SRGAP3: variants seen among roughly 807,000 people sequenced by gnomAD.
SRGAP3 encodes SLIT-ROBO Rho GTPase activating protein 3, also known as SLIT-ROBO Rho GTPase-activating protein 3.
Under a neutral mutation model 121.1 loss-of-function variants are expected in SRGAP3, and 39 were observed. The ratio of observed to expected loss-of-function variants is 0.32; its 90% CI spans 0.25 to 0.42. The LOEUF is 0.42. SRGAP3 is among the 10% of genes least tolerant of loss of function. The probability of loss-of-function intolerance (pLI) is 1.00; values close to 1 mark genes in which losing one functional copy is unlikely to be tolerated. For missense variants in SRGAP3, 1,213 were observed against 1,470.6 expected, an observed-to-expected ratio of 0.82 and a Z score of 2.86; for synonymous variants, 601 against 570.0, an observed-to-expected ratio of 1.05 and a Z score of -0.77.
intron 3 of SRGAP3, among the ~76,000 whole-genome samples, chr3:9,091,433 A>G (rs1253849644): frequency 1.3e-5 from 2 of 152,142 alleles, no homozygotes; most frequent in African/African-American, 2.4e-5. Context: ...CTAAATGCCG[A>G]CAGATCCTAC....
chr3:8,990,493 C>T lies in SRGAP3; in HGVS notation c.2886+19G>A. On this transcript the variant is annotated intron_variant, in intron 21 of 21. Coordinates refer to ENST00000383836, the MANE Select transcript of SRGAP3 (RefSeq NM_014850.4). ...CTGGGGCTTTTGGCTGCCCAGCCTGCCTTCCCGCTGGCCCTTACTTCTGCC... is the reference window on the plus strand; with the variant it reads ...CTGGGGCTTTTGGCTGCCCAGCCTGTCTTCCCGCTGGCCCTTACTTCTGCC... 1 of 1,550,370 alleles carries T rather than the reference C, an allele frequency of 6.5e-7. No individual in the cohort carries two copies. Among genetic ancestry groups the T allele is most frequent in the Non-Finnish European group, 8.7e-7 (1 of 1,147,288 alleles).
At chr3:8,992,862 C>G in intron 20 of SRGAP3, 44 bp downstream of exon 20, 1 of 1,613,962 alleles carries the variant, frequency 6.2e-7, no homozygotes, top group South Asian at 1.1e-5. Context: ...CAGACATGAA[C>G]AGGATTGACA....
At chr3:9,071,956 C>T (rs1946743695) in intron 4 of SRGAP3, among the ~76,000 whole-genome samples, 1 of 152,100 alleles carries the variant, frequency 6.6e-6, no homozygotes. Flanking sequence ...TGTGTGAGCC[C>T]CTGGATCCAG....
At chr3:9,317,414 T>G (rs1355986306) in intron 3 of SRGAP3, among the ~76,000 whole-genome samples, 1 of 152,236 alleles carries the variant, frequency 6.6e-6, no homozygotes. Context: ...CCTTCTCATT[T>G]ACTAAAGGGT....
At chr3:9,061,698 G>GGTCATTTTCA (rs1204026596) in intron 5 of SRGAP3, among the ~76,000 whole-genome samples, 1 of 152,202 alleles carries the variant, frequency 6.6e-6, no homozygotes, top group Non-Finnish European at 1.5e-5. Flanking sequence ...CCCTGCACAA[G>GGTCATTTTCA]GTCATTTTCA....
At chr3:9,011,864 G>A (rs567609365) in intron 17 of SRGAP3, among the ~76,000 whole-genome samples, 7 of 152,290 alleles carry the variant, frequency 4.6e-5, no homozygotes, top group Admixed American at 1.3e-4. Flanking sequence ...TTACAGTCTC[G>A]TGGGAAACAA....
Position 9,190,415 on chromosome 3 carries a change from T to C in SRGAP3, c.67+58470A>G, listed in dbSNP as rs375149817. ...TGGCATGAACAGATAGGTTTCGCCA[T>C]GGTCTCGAGTATGACAGGTTGGTCC... On this transcript the variant is annotated intron_variant, in intron 1 of 21. Coordinates refer to ENST00000383836, the MANE Select transcript of SRGAP3 (RefSeq NM_014850.4). Among the ~76,000 whole-genome samples, 9 of 152,304 alleles carry C rather than the reference T, an allele frequency of 5.9e-5. No individual in the cohort carries two copies. The East Asian group carries it at 1.2e-3, about 20-fold the overall frequency.
rs572887065 is a variant in SRGAP3 at position 9,079,608 on chromosome 3, A to C, written c.486+417T>G. On this transcript the variant is annotated intron_variant, in intron 4 of 21. Coordinates refer to ENST00000383836, the MANE Select transcript of SRGAP3 (RefSeq NM_014850.4). ...CAGATGCACAGACTGAGACCCAGAC[A>C]AACTGCCCACCTGCCTATGGTCCTA... 8.5e-5 allele frequency among the ~76,000 whole-genome samples: 13 copies of C among 152,310 alleles called. No individual in the cohort carries two copies. The South Asian group carries it at 2.7e-3, about 32-fold the overall frequency.
At chr3:9,088,853 G>A (rs928231747) in intron 3 of SRGAP3, among the ~76,000 whole-genome samples, 3 of 152,082 alleles carry the variant, frequency 2.0e-5, no homozygotes, top group Admixed American at 6.6e-5. Flanking sequence ...TTTCAAGTAC[G>A]GTGGCCCCTT....
intron 3 of SRGAP3, among the ~76,000 whole-genome samples, chr3:9,100,364 CTT>C (rs1185919102): frequency 6.6e-6 from 1 of 152,192 alleles, no homozygotes; most frequent in Non-Finnish European, 1.5e-5. Flanking sequence ...ATTCTCAACT[CTT>C]TGCCCCACTT....
intron 18 of SRGAP3, among the ~76,000 whole-genome samples, chr3:9,002,311 A>C (rs184836472): frequency 4.6e-5 from 7 of 152,234 alleles, no homozygotes; most frequent in African/African-American, 1.4e-4. Context: ...AAACTGACAA[A>C]TAGGCAAAAA....
chr3:9,362,948 A>C (rs932055515), exon 1 of SRGAP3: 3 of 152,258 alleles, frequency 2.0e-5, no homozygotes, highest in African/African-American at 7.2e-5. Flanking sequence ...CAAAACCAAC[A>C]GCACACAGCT....
At chr3:9,241,032 G>A (rs576640763) in intron 1 of SRGAP3, among the ~76,000 whole-genome samples, 1 of 152,300 alleles carries the variant, frequency 6.6e-6, no homozygotes, top group East Asian at 1.9e-4. Context: ...GCCTTGGCAT[G>A]CATGTTGCTT....
chr3:8,992,363 T>C (rs1363271627), intron 20 of SRGAP3, among the ~76,000 whole-genome samples: 3 of 152,196 alleles, frequency 2.0e-5, no homozygotes, highest in Non-Finnish European at 4.4e-5. Flanking sequence ...GCACAGCTCC[T>C]TGCCTGGTAG....
At chr3:9,355,448 C>T (rs1286222547) in intron 1 of SRGAP3, among the ~76,000 whole-genome samples, 7 of 152,246 alleles carry the variant, frequency 4.6e-5, no homozygotes, top group Non-Finnish European at 1.0e-4. Context: ...CTCTCTTCCA[C>T]CTCTATCCTG....
intron 3 of SRGAP3, among the ~76,000 whole-genome samples, chr3:9,102,735 T>G (rs1948268121): frequency 6.6e-6 from 1 of 152,188 alleles, no homozygotes; most frequent in African/African-American, 2.4e-5. Flanking sequence ...CTGTAGACAT[T>G]TTTTTCATTA....
intron 2 of SRGAP3, among the ~76,000 whole-genome samples, chr3:9,113,231 C>T (rs1034130668): frequency 1.3e-5 from 2 of 152,156 alleles, no homozygotes; most frequent in Non-Finnish European, 2.9e-5. Context: ...GTCCTGGAGG[C>T]TGGAAGTCCG....
chr3:9,171,366 A>G (rs1342839361), intron 1 of SRGAP3, among the ~76,000 whole-genome samples: 2 of 152,222 alleles, frequency 1.3e-5, no homozygotes, highest in Non-Finnish European at 2.9e-5. Context: ...ACTTAAGACA[A>G]TTCTGGAACA....
intron 5 of SRGAP3, among the ~76,000 whole-genome samples, chr3:9,062,700 G>C (rs183560448): frequency 9.3e-4 from 141 of 152,316 alleles, no homozygotes; most frequent in African/African-American, 3.2e-3. Flanking sequence ...GCATTTGTCA[G>C]TACTTCATTC....
Sources: allele counts gnomAD v4.1 joint callset (sites outside exome capture counted in the v4.1 genomes callset), GRCh38; gene constraint gnomAD v4.1.1; transcripts MANE v1.5; gene names NCBI Gene and HGNC (gene_info 2026-07-23, HGNC 2026-07-21).